GRAMD1C: variants seen among roughly 807,000 people sequenced by gnomAD.
GRAMD1C encodes the protein protein Aster-C.
Under a neutral mutation model 97.8 loss-of-function variants are expected in GRAMD1C, and 89 were observed. The observed-to-expected ratio is 0.91, with a 90% confidence interval of 0.77 to 1.09. The LOEUF is 1.09. Among genes scored for constraint, GRAMD1C ranks in the 50% least tolerant of loss-of-function variants. GRAMD1C has a pLI of 0.00. For missense variants in GRAMD1C, 740 were observed against 766.4 expected (o/e 0.97, Z 0.41); for synonymous variants, 256 against 267.0 (o/e 0.96, Z 0.40).
At chr3:113,894,479 A>G (rs544313579) in intron 6 of GRAMD1C, among the ~76,000 whole-genome samples, 3 of 152,124 alleles carry the variant, frequency 2.0e-5, no homozygotes, top group Admixed American at 2.0e-4. Context: ...GGGTTTCACC[A>G]TGTTGGCCAG....
intron 11 of GRAMD1C, among the ~76,000 whole-genome samples, chr3:113,932,577 A>T (rs1460116741): frequency 2.6e-5 from 4 of 152,314 alleles, no homozygotes; most frequent in Non-Finnish European, 2.9e-5. Context: ...TGTTCACCTA[A>T]CAGGAACACT....
intron 1 of GRAMD1C, among the ~76,000 whole-genome samples, chr3:113,839,963 C>T (rs906395685): frequency 2.6e-5 from 4 of 152,018 alleles, no homozygotes; most frequent in Non-Finnish European, 5.9e-5. Context: ...GCCACACACA[C>T]ACCATGAGGT....
chr3:113,872,688 C>A (rs1290690216), intron 3 of GRAMD1C, among the ~76,000 whole-genome samples: 2 of 151,028 alleles, frequency 1.3e-5, no homozygotes, highest in African/African-American at 2.4e-5. Flanking sequence ...AGCCACTGCA[C>A]CCAGCCAAGA....
intron 2 of GRAMD1C, among the ~76,000 whole-genome samples, chr3:113,850,014 CG>C (rs1553715276): frequency 1.7e-5 from 2 of 119,530 alleles, no homozygotes; most frequent in East Asian, 2.3e-4. Context: ...GCTGGCCGGG[CG>C]GGGGGCTGAC....
chr3:113,878,377 TC>T (rs1292942889), intron 5 of GRAMD1C, among the ~76,000 whole-genome samples: 3 of 152,112 alleles, frequency 2.0e-5, no homozygotes, highest in Non-Finnish European at 4.4e-5. Context: ...ATCAACCATT[TC>T]TCCAAGGAGT....
At chr3:113,834,787 A>C (rs1709611065), upstream of GRAMD1C, among the ~76,000 whole-genome samples, 2 of 151,746 alleles carry the variant, frequency 1.3e-5, no homozygotes, top group East Asian at 1.9e-4. Context: ...AAAAAAAAAA[A>C]AAATTAGCTG....
intron 2 of GRAMD1C, 191 bp downstream of exon 2, chr3:113,844,840 T>C (rs765424362): frequency 3.4e-5 from 16 of 473,644 alleles, no homozygotes; most frequent in Non-Finnish European, 5.5e-5. Flanking sequence ...TGTTGTCTGG[T>C]TCGATGAAAT....
intron 9 of GRAMD1C, among the ~76,000 whole-genome samples, chr3:113,911,770 T>C (rs28562905): frequency 0.72 from 107,288 of 148,498 alleles, 39,022 homozygotes; most frequent in East Asian, 0.87. Context: ...CTCTGTCCCC[T>C]GAGCTAGAGT....
intron 8 of GRAMD1C, among the ~76,000 whole-genome samples, chr3:113,905,333 C>T (rs1313456797): frequency 3.3e-5 from 5 of 152,150 alleles, no homozygotes; most frequent in South Asian, 4.1e-4. Context: ...TGCTCCAGAC[C>T]GTTTTCTTAA....
At chr3:113,889,546 T>C (rs1935635739) in intron 6 of GRAMD1C, among the ~76,000 whole-genome samples, 1 of 152,160 alleles carries the variant, frequency 6.6e-6, no homozygotes, top group African/African-American at 2.4e-5. Context: ...CTTAGAGGGA[T>C]GAATTTTCAG....
intron 6 of GRAMD1C, among the ~76,000 whole-genome samples, chr3:113,895,337 A>G (rs1300528558): frequency 6.6e-6 from 1 of 152,192 alleles, no homozygotes; most frequent in African/African-American, 2.4e-5. Flanking sequence ...CTGAGCTAGT[A>G]TCAGCTCGTG....
chr3:113,833,134 T>TTTTG (rs1709582608), intron 1 of GRAMD1C, among the ~76,000 whole-genome samples: 1 of 149,276 alleles, frequency 6.7e-6, no homozygotes, highest in Non-Finnish European at 1.5e-5. Flanking sequence ...TTTTTTTTTT[T>TTTTG]TGTGTGTGTG....
chr3:113,905,844 C>T (rs145175390), intron 8 of GRAMD1C, among the ~76,000 whole-genome samples: 6,513 of 152,104 alleles, frequency 0.043, 188 homozygotes, highest in South Asian at 0.072. Context: ...TACAGGCATC[C>T]GCCACTATGC....
intron 6 of GRAMD1C, chr3:113,890,611 C>A: frequency 1.8e-6 from 1 of 569,190 alleles, no homozygotes; most frequent in South Asian, 2.5e-5. Flanking sequence ...CCTGGCTACC[C>A]CACCCCAAAT....
Position 113,869,792 on chromosome 3 carries a change from C to T in GRAMD1C, c.259+201C>T, listed in dbSNP as rs200993492. 1.1e-4 allele frequency among the ~76,000 whole-genome samples: 17 copies of T among 152,162 alleles called. 1 individual carries two copies. The highest frequency in any genetic ancestry group is 1.9e-4 in the East Asian group (1 of 5,198). On this transcript the variant is annotated intron_variant, in intron 3 of 17. Transcript: ENST00000358160. ...GGAAATCAATATATTGAAGAGATAT[C>T]TGCACATTCATGTTTATTGTAGCAC...
intron 6 of GRAMD1C, among the ~76,000 whole-genome samples, chr3:113,887,096 GTTTTTTT>G (rs59820635): frequency 1.1e-5 from 1 of 94,052 alleles, no homozygotes; most frequent in South Asian, 3.9e-4. Context: ...TTTTTTTTTT[GTTTTTTT>G]TTTTTTTTGA....
intron 6 of GRAMD1C, chr3:113,885,400 G>A: frequency 6.3e-7 from 1 of 1,575,854 alleles, no homozygotes; most frequent in Non-Finnish European, 8.7e-7. Context: ...GATCCGCACG[G>A]TAATTCAGTA....
At chr3:113,914,029 A>G (rs113318547) in intron 9 of GRAMD1C, among the ~76,000 whole-genome samples, 4 of 152,348 alleles carry the variant, frequency 2.6e-5, no homozygotes, top group African/African-American at 7.2e-5. Context: ...CAATAAATCA[A>G]TAAAAATATA....
intron 1 of GRAMD1C, 135 bp downstream of exon 1, chr3:113,839,071 C>T (rs1023416794): frequency 7.0e-6 from 4 of 573,572 alleles, no homozygotes; most frequent in Non-Finnish European, 1.0e-5. Context: ...TGGAGTAATA[C>T]GGAAAGTTGT....
Sources: gnomAD v4.1 joint callset for allele counts (sites outside exome capture counted in the v4.1 genomes callset) on GRCh38, gnomAD v4.1.1 for gene constraint, MANE v1.5 for transcripts, NCBI Gene and HGNC (gene_info 2026-07-23, HGNC 2026-07-21) for gene names.